Variants in UBE2C observed in about 807,000 individuals in gnomAD.
UBE2C encodes the protein ubiquitin conjugating enzyme E2 C, also known as ubiquitin-conjugating enzyme E2 C.
In UBE2C, 16 loss-of-function variants were observed where a neutral mutation model predicts 23.5. The ratio of observed to expected loss-of-function variants is 0.68; its 90% CI spans 0.46 to 1.03. The LOEUF is 1.03. Among genes scored for constraint, UBE2C ranks in the 50% least tolerant of loss-of-function variants. The probability of loss-of-function intolerance (pLI) is 0.00; values close to 1 mark genes in which losing one functional copy is unlikely to be tolerated. For synonymous variants in UBE2C, 76 were observed against 91.6 expected, an observed-to-expected ratio of 0.83 and a Z score of 0.97; for missense variants, 192 against 227.6, an observed-to-expected ratio of 0.84 and a Z score of 1.01.
rs574696026 is a variant in UBE2C, at chr20:45,814,924, C to T, written c.216+454C>T. 5.7e-4 allele frequency among the ~76,000 whole-genome samples: 79 copies of T among 137,738 alleles called. No homozygotes were observed. The South Asian group carries it at 0.014, about 25-fold the overall frequency. The allele number at this position is 137,738 out of a possible 152,430, so 90.4% of individuals were successfully genotyped here. On this transcript the variant is annotated intron_variant, in intron 3 of 5. Transcript: ENST00000356455. The stretch of plus-strand genomic sequence containing the variant: ...CGCAATCTCGGCTCACTGCAAGCTC[C>T]GCTTCCCGGGTTCACGCCATTCTCC...
At chr20:45,813,978 G>T (rs1467324638) in intron 2 of UBE2C, among the ~76,000 whole-genome samples, 1 of 151,784 alleles carries the variant, frequency 6.6e-6, no homozygotes, top group East Asian at 1.9e-4. Context: ...GGTGGTGCAT[G>T]CCTGTAATTT....
In UBE2C at chr20:45,816,783, C is replaced by A; in HGVS notation, c.*16C>A. On this transcript the variant is annotated 3_prime_UTR_variant, in exon 6 of 6. Coordinates refer to ENST00000356455, the MANE Select transcript of UBE2C (RefSeq NM_007019.4). ...GGAGCCCTGACCCAGGCTGCCCAGC[C>A]TGTCCTTGTGTCGTCTTTTTAATTT... 2 of 1,611,678 alleles carry A rather than the reference C, an allele frequency of 1.2e-6. No homozygotes were observed. Among genetic ancestry groups the A allele is most frequent in the Non-Finnish European group, 1.7e-6 (2 of 1,178,906 alleles).
rs1982017310 is a variant in UBE2C at position 45,812,693 on chromosome 20, CG to C, written c.-1del. 6.4e-7 allele frequency: 1 copy of C among 1,550,978 alleles called. No homozygotes were observed. Among genetic ancestry groups the C allele is most frequent in the South Asian group, 1.2e-5 (1 of 84,088 alleles). On this transcript the variant is annotated 5_prime_UTR_variant, in exon 1 of 6. Coordinates refer to ENST00000356455, the MANE Select transcript of UBE2C (RefSeq NM_007019.4). ...TTCCTGTCTCTCTGCCAACGCCGCC[CG>C]GATGGCTTCCCAAAACCGCGACCCA...
intron 3 of UBE2C, 84 bp downstream of exon 3, chr20:45,814,554 G>A: frequency 9.1e-7 from 1 of 1,096,548 alleles, no homozygotes; most frequent in East Asian, 2.7e-5. Context: ...TCAAGCCTTT[G>A]GCGGAGCAAG....
intron 2 of UBE2C, among the ~76,000 whole-genome samples, chr20:45,814,146 C>CTCTCTCTATATATATA (rs1158772080): frequency 7.5e-6 from 1 of 133,898 alleles, no homozygotes; most frequent in African/African-American, 2.7e-5. Context: ...CTCTCTCTCT[C>CTCTCTCTATATATATA]TATATATATA....
At chr20:45,814,590 T>A (rs1334487648) in intron 3 of UBE2C, 120 bp downstream of exon 3, 2 of 699,820 alleles carry the variant, frequency 2.9e-6, no homozygotes, top group African/African-American at 3.7e-5. Context: ...CTGTTTACAT[T>A]CTCTGAGCCA....
intron 1 of UBE2C, 123 bp downstream of exon 1, chr20:45,812,919 A>C: frequency 7.0e-7 from 1 of 1,438,604 alleles, no homozygotes; most frequent in Non-Finnish European, 9.1e-7. Context: ...CGGGTGCAGG[A>C]GAACACACCA....
At position 45,815,400 on chromosome 20, in the gene UBE2C, G is replaced by A; in HGVS notation, c.217-141G>A. On this transcript the variant is annotated intron_variant, in intron 3 of 5. Coordinates refer to ENST00000356455, the MANE Select transcript of UBE2C (RefSeq NM_007019.4). ...AAACTTTTTAAAAAGGCAGTGGGGAGCATCAGAACCAGCTCAACAGTTTGT... is the reference window on the plus strand; with the variant it reads ...AAACTTTTTAAAAAGGCAGTGGGGAACATCAGAACCAGCTCAACAGTTTGT... The A allele has an allele frequency of 1.3e-6, 2 of 1,597,482 alleles. 1 individual carries two copies. Among genetic ancestry groups the A allele is most frequent in the Non-Finnish European group, 1.7e-6 (2 of 1,173,460 alleles).
At chr20:45,816,509 C>A (rs556396692) in intron 5 of UBE2C, among the ~76,000 whole-genome samples, 200 bp from the exon 6 acceptor site, 6 of 152,270 alleles carry the variant, frequency 3.9e-5, no homozygotes, top group African/African-American at 1.4e-4. Context: ...TGGTGGTAGG[C>A]ACCTGTAGTC....
In UBE2C at chr20:45,815,497, G is replaced by A. The variant is rs1982429861; in HGVS notation, c.217-44G>A. 4.3e-6 allele frequency: 7 copies of A among 1,614,076 alleles called. No homozygotes were observed. The East Asian group carries it at 1.6e-4, about 36-fold the overall frequency. On this transcript the variant is annotated intron_variant, in intron 3 of 5. Transcript: ENST00000356455. The stretch of plus-strand genomic sequence containing the variant: ...TGTGGGGCTTGGGTTGGGACATGAG[G>A]CTGCTGCTGGAGCTTACTCTGCAAC...
intron 1 of UBE2C, 47 bp downstream of exon 1, chr20:45,812,843 A>G: frequency 2.0e-6 from 3 of 1,520,604 alleles, no homozygotes; most frequent in Non-Finnish European, 1.8e-6. Context: ...TGCCCTAGGC[A>G]TTGGTACCCA....
Position 45,814,228 on chromosome 20 carries a change from ATGTG to A in UBE2C, c.130-148_130-145del, listed in dbSNP as rs1216169417. On this transcript the variant is annotated intron_variant, in intron 2 of 5. Coordinates refer to ENST00000356455, the MANE Select transcript of UBE2C (RefSeq NM_007019.4). ...ATATCTCATATATATACACATATAT[ATGTG>A]TGTGTGTATACATATATATGTGTGT... is the stretch of plus-strand genomic sequence containing the variant. Among the ~76,000 whole-genome samples, 309 of 119,336 alleles carry A rather than the reference ATGTG, an allele frequency of 2.6e-3. 1 individual carries two copies. Among genetic ancestry groups the A allele is most frequent in the African/African-American group, 8.4e-3 (288 of 34,388 alleles). 78.3% of individuals were successfully genotyped at this position (119,336 alleles called of 152,430 possible).
Position 45,813,483 on chromosome 20 carries a change from A to G in UBE2C, c.129+19A>G. On this transcript the variant is annotated intron_variant, in intron 2 of 5. Coordinates refer to ENST00000356455, the MANE Select transcript of UBE2C (RefSeq NM_007019.4). ...CCTCATGGTGAGTGATTAAGTGCCC[A>G]GAACCCCAGCCTTCCATCCAATTTT... The G allele has an allele frequency of 6.2e-7, 1 of 1,614,164 alleles. No homozygotes were observed. Among genetic ancestry groups the G allele is most frequent in the Non-Finnish European group, 8.5e-7 (1 of 1,180,018 alleles).
At chr20:45,812,953 C>A in intron 1 of UBE2C, 157 bp downstream of exon 1, 1 of 1,434,302 alleles carries the variant, frequency 7.0e-7, no homozygotes. Flanking sequence ...TGGCATTCCC[C>A]TGGGCATGGG....
In UBE2C at chr20:45,815,668, T is replaced by C. The variant is rs761307294; in HGVS notation, c.344T>C (p.Leu115Pro). The C allele has an allele frequency of 6.2e-7, 1 of 1,614,194 alleles. No individual in the cohort carries two copies. Among genetic ancestry groups the C allele is most frequent in the Non-Finnish European group, 8.5e-7 (1 of 1,180,032 alleles). Residue 115 changes from leucine to proline, a missense_variant, in exon 4 of 6, where the codon CTG becomes CCG. Transcript: ENST00000356455. ...GTGGACACCCAGGGTAACATATGCC[T>C]GGACATCCTGAAGGAAAAGTGGTCT... The part of the protein sequence containing the change: ...PNVDTQGNIC[L>P]DILKEKWSAL...
At position 45,812,789 on chromosome 20, in the gene UBE2C, G is replaced by T; in HGVS notation, c.94G>T (p.Gly32Cys). The T allele has an allele frequency of 6.4e-7, 1 of 1,555,718 alleles. No individual in the cohort carries two copies. The highest frequency in any genetic ancestry group is 8.7e-7 in the Non-Finnish European group (1 of 1,149,760). Residue 32 changes from glycine (G) to cysteine (C), a missense_variant, in exon 1 of 6, where the codon GGC becomes TGC. Physicochemically the swap from Gly to Cys is radical, Grantham distance 159 (BLOSUM62 -3). Coordinates refer to ENST00000356455, the MANE Select transcript of UBE2C (RefSeq NM_007019.4). ...PSGGAARGPVGKRLQQELMTL... is the reference protein window; with the variant it reads ...PSGGAARGPVCKRLQQELMTL... Reference sequence around the variant, plus strand: ...CGGGGGCGCCGCCCGGGGTCCGGTGGGCAAAAGGTGAGTGATGCGGCCTAC... The same window carrying T: ...CGGGGGCGCCGCCCGGGGTCCGGTGTGCAAAAGGTGAGTGATGCGGCCTAC...
At chr20:45,816,294 ACCT>A (rs1239822019) in intron 5 of UBE2C, among the ~76,000 whole-genome samples, 7 of 151,832 alleles carry the variant, frequency 4.6e-5, no homozygotes, top group Non-Finnish European at 8.8e-5. Context: ...CCCCTCCTCC[ACCT>A]CCTCCGACCT....
chr20:45,814,470 A>C lies in UBE2C; in HGVS notation c.216A>C (p.Thr72=), dbSNP rs1251220053. 2.5e-6 allele frequency: 4 copies of C among 1,606,840 alleles called. No individual in the cohort carries two copies. Among genetic ancestry groups the C allele is most frequent in the Non-Finnish European group, 2.6e-6 (3 of 1,175,874 alleles). ...GGACCATCCATGGAGCAGCTGGAAC[A>C]GTAAGTGTAGGGCTGGGATGGGTGA... ...WVGTIHGAAG[T]VYEDLRYKLS... is the part of the protein sequence containing the mutation. The change falls in exon 3 of 6, where the codon ACA becomes ACC. Residue 72 remains threonine (T), a splice_region_variant and synonymous_variant. Coordinates refer to ENST00000356455, the MANE Select transcript of UBE2C (RefSeq NM_007019.4).
rs11537645 is a variant in UBE2C, at chr20:45,812,764, C to T, written c.69C>T (p.Ser23=). Residue 23 remains serine, a synonymous_variant, in exon 1 of 6, where the codon AGC becomes AGT. Transcript: ENST00000356455. ...CCGCCCGTAAAGGAGCTGAGCCGAG[C>T]GGGGGCGCCGCCCGGGGTCCGGTGG... ...VAAARKGAEP[S]GGAARGPVGK... is the part of the protein sequence containing the mutation. 196 of 1,557,260 alleles carry T rather than the reference C, an allele frequency of 1.3e-4. No individual in the cohort carries two copies. Among genetic ancestry groups the T allele is most frequent in the Non-Finnish European group, 1.6e-4 (188 of 1,150,640 alleles).
Sources: gnomAD v4.1 joint callset for allele counts (sites outside exome capture counted in the v4.1 genomes callset) on GRCh38, gnomAD v4.1.1 for gene constraint, MANE v1.5 for transcripts, NCBI Gene and HGNC (gene_info 2026-07-23, HGNC 2026-07-21) for gene names.